DPY19L3: variants seen among roughly 807,000 people sequenced by gnomAD.
DPY19L3 encodes the protein protein C-mannosyl-transferase DPY19L3.
In DPY19L3, 51 loss-of-function variants were observed where a neutral mutation model predicts 92.3. That is an observed-to-expected ratio of 0.55 (90% CI 0.44 to 0.70). The LOEUF (loss-of-function observed/expected upper bound fraction) is 0.70. Among genes scored for constraint, DPY19L3 ranks in the 30% least tolerant of loss-of-function variants. The pLI is 0.00. For missense variants in DPY19L3, 706 were observed against 855.9 expected, an observed-to-expected ratio of 0.82 and a Z score of 2.18; for synonymous variants, 309 against 315.2, an observed-to-expected ratio of 0.98 and a Z score of 0.21.
intron 15 of DPY19L3, chr19:32,467,362 A>G: frequency 1.2e-6 from 1 of 844,304 alleles, no homozygotes; most frequent in Non-Finnish European, 1.4e-6. Flanking sequence ...GCATTTCATT[A>G]AAAAGTTGGT....
intron 17 of DPY19L3, 147 bp from the exon 18 acceptor site, chr19:32,480,252 A>G (rs1970632077): frequency 2.4e-6 from 2 of 842,848 alleles, no homozygotes; most frequent in Admixed American, 6.2e-5. Flanking sequence ...CAGGCCTGCA[A>G]ATGAGCGAGT....
At chr19:32,474,434 A>G (rs1449905791) in intron 16 of DPY19L3, among the ~76,000 whole-genome samples, 2 of 152,222 alleles carry the variant, frequency 1.3e-5, no homozygotes, top group East Asian at 3.9e-4. Context: ...AAGAGCTCTT[A>G]GAGCCTGCTG....
intron 3 of DPY19L3, among the ~76,000 whole-genome samples, chr19:32,425,991 A>G (rs922072233): frequency 6.6e-6 from 1 of 152,356 alleles, no homozygotes; most frequent in South Asian, 2.1e-4. Context: ...ATCTTCTTCC[A>G]ATAGAAGGCT....
At chr19:32,470,091 A>T (rs559284946) in intron 16 of DPY19L3, among the ~76,000 whole-genome samples, 2 of 152,376 alleles carry the variant, frequency 1.3e-5, no homozygotes, top group East Asian at 1.9e-4. Flanking sequence ...TGTCTAAAAC[A>T]TACACATGGC....
intron 17 of DPY19L3, chr19:32,479,527 C>T (rs1239937657): frequency 7.9e-6 from 3 of 381,610 alleles, no homozygotes; most frequent in Non-Finnish European, 5.2e-6. Context: ...ACAGTTGTCA[C>T]AGTAACAGCA....
chr19:32,419,223 C>G (rs572320266), intron 3 of DPY19L3, among the ~76,000 whole-genome samples: 1 of 149,774 alleles, frequency 6.7e-6, no homozygotes, highest in African/African-American at 2.5e-5. Context: ...TGCAGTGGCG[C>G]GATCTCGGCT....
At chr19:32,448,023 T>C (rs1969573279) in intron 8 of DPY19L3, among the ~76,000 whole-genome samples, 1 of 152,282 alleles carries the variant, frequency 6.6e-6, no homozygotes, top group Non-Finnish European at 1.5e-5. Flanking sequence ...CATTGAGTGA[T>C]AGATACACGA....
intron 1 of DPY19L3, among the ~76,000 whole-genome samples, chr19:32,407,964 CT>C (rs1231061244): frequency 6.6e-6 from 1 of 152,000 alleles, no homozygotes; most frequent in East Asian, 1.9e-4. Context: ...TAGCACATGC[CT>C]GTAGTCCAGA....
chr19:32,439,640 G>A, intron 7 of DPY19L3, 136 bp from the exon 8 acceptor site: 1 of 824,656 alleles, frequency 1.2e-6, no homozygotes, highest in Non-Finnish European at 1.9e-6. Flanking sequence ...AATAACAAAT[G>A]CAAGGGTTTT....
At chr19:32,459,962 A>G (rs1399293097) in intron 12 of DPY19L3, among the ~76,000 whole-genome samples, 1 of 152,232 alleles carries the variant, frequency 6.6e-6, no homozygotes, top group Non-Finnish European at 1.5e-5. Context: ...CATAGATAGT[A>G]TGGCCTACTA....
chr19:32,426,873 A>G (rs1968781602), intron 3 of DPY19L3, among the ~76,000 whole-genome samples: 1 of 152,252 alleles, frequency 6.6e-6, no homozygotes, highest in Non-Finnish European at 1.5e-5. Context: ...AGTTGCCACT[A>G]AGTTTCAATT....
At chr19:32,482,031 A>C (rs531524974) in intron 18 of DPY19L3, 48 bp from the exon 19 acceptor site, 18 of 1,593,128 alleles carry the variant, frequency 1.1e-5, no homozygotes, top group Non-Finnish European at 1.5e-5. Flanking sequence ...TGTCTTTTGT[A>C]AATAGAATTT....
At chr19:32,437,444 G>A in intron 6 of DPY19L3, 105 bp downstream of exon 6, 2 of 1,359,652 alleles carry the variant, frequency 1.5e-6, no homozygotes, top group Non-Finnish European at 2.0e-6. Context: ...TTGTTTGGTT[G>A]GGAGCAGTTT....
chr19:32,480,398 G>C lies in DPY19L3; in HGVS notation c.1831-1G>C. ...CATTGCATTTTTATGTCTTTTTGAA[G>C]GTTTATCAGATATATGCCAAGAGGG... On this transcript the variant is annotated splice_acceptor_variant, in intron 17 of 18. Coordinates refer to ENST00000392250, the MANE Select transcript of DPY19L3 (RefSeq NM_001172774.2). LOFTEE classifies it high-confidence loss of function. 6.2e-7 allele frequency: 1 copy of C among 1,602,598 alleles called. No individual in the cohort carries two copies. Among genetic ancestry groups the C allele is most frequent in the Non-Finnish European group, 8.5e-7 (1 of 1,176,296 alleles).
chr19:32,467,839 G>A (rs1346462130), intron 15 of DPY19L3: 2 of 981,282 alleles, frequency 2.0e-6, no homozygotes, highest in African/African-American at 3.5e-5. Context: ...GAATTAAATG[G>A]ACTTAAGATA....
chr19:32,410,687 G>A (rs952423169), intron 2 of DPY19L3, among the ~76,000 whole-genome samples: 8 of 152,210 alleles, frequency 5.3e-5, no homozygotes, highest in Non-Finnish European at 1.2e-4. Flanking sequence ...GGAGGCTGAG[G>A]TGGGAGAATT....
chr19:32,434,271 C>T (rs1281808133), intron 4 of DPY19L3, among the ~76,000 whole-genome samples: 1 of 152,172 alleles, frequency 6.6e-6, no homozygotes, highest in African/African-American at 2.4e-5. Flanking sequence ...ACTCTGCCTC[C>T]TTGTCTCGGC....
chr19:32,478,681 G>A (rs935251796), intron 17 of DPY19L3, among the ~76,000 whole-genome samples: 13 of 152,064 alleles, frequency 8.5e-5, no homozygotes, highest in East Asian at 3.8e-4. Flanking sequence ...CTGCTTCTTC[G>A]GCATTTAATG....
chr19:32,432,636 T>TA (rs756144326), intron 3 of DPY19L3, 80 bp from the exon 4 acceptor site: 49 of 1,209,848 alleles, frequency 4.1e-5, no homozygotes, highest in Non-Finnish European at 5.6e-5. Context: ...AAGTTGCAGT[T>TA]ATGTATCCTT....
Sources: gnomAD v4.1 joint callset for allele counts (sites outside exome capture counted in the v4.1 genomes callset) on GRCh38, gnomAD v4.1.1 for gene constraint, MANE v1.5 for transcripts, NCBI Gene and HGNC (gene_info 2026-07-23, HGNC 2026-07-21) for gene names.